The following CDC14A variants were observed in gnomAD, a reference collection of about 807,000 sequenced individuals.
CDC14A encodes the protein cell division cycle 14A.
CDC14A carries 53 observed loss-of-function variants against 74.4 expected under a neutral mutation model. That is an observed-to-expected ratio of 0.71 (90% CI 0.57 to 0.89). The LOEUF is 0.89. CDC14A is among the 40% of genes least tolerant of loss of function. The probability of loss-of-function intolerance (pLI) is 0.00; values close to 1 mark genes in which losing one functional copy is unlikely to be tolerated. For missense variants in CDC14A, 646 were observed against 713.7 expected (o/e 0.91, Z 1.08); for synonymous variants, 247 against 258.4 (o/e 0.96, Z 0.43).
chr1:100,349,652 T>C (rs1650738230), upstream of CDC14A, among the ~76,000 whole-genome samples: 1 of 152,206 alleles, frequency 6.6e-6, no homozygotes, highest in Non-Finnish European at 1.5e-5. Context: ...AATTTTGTTG[T>C]TGTTTGTTTG....
intron 15 of CDC14A, among the ~76,000 whole-genome samples, chr1:100,505,523 T>C (rs1571358431): frequency 6.6e-6 from 1 of 152,198 alleles, no homozygotes; most frequent in Admixed American, 6.5e-5. Context: ...TCTGAGTGAT[T>C]GGCAGTGCAC....
intron 1 of CDC14A, 68 bp downstream of exon 1, chr1:100,353,071 G>C (rs1570931741): frequency 1.3e-6 from 2 of 1,536,032 alleles, no homozygotes; most frequent in Non-Finnish European, 1.8e-6. Flanking sequence ...CCGCGCCACT[G>C]TCCCCACCTT....
intron 4 of CDC14A, among the ~76,000 whole-genome samples, chr1:100,399,305 T>G (rs1025762504): frequency 1.3e-5 from 2 of 152,170 alleles, no homozygotes; most frequent in Non-Finnish European, 2.9e-5. Context: ...CTTTCAAAAT[T>G]TTTTATAATG....
At chr1:100,391,891 T>G (rs1459582761) in intron 4 of CDC14A, among the ~76,000 whole-genome samples, 1 of 152,252 alleles carries the variant, frequency 6.6e-6, no homozygotes, top group African/African-American at 2.4e-5. Flanking sequence ...CTTTTGTCCC[T>G]TGATGTAGCT....
chr1:100,421,199 C>T (rs1466357895), intron 4 of CDC14A, among the ~76,000 whole-genome samples: 5 of 151,992 alleles, frequency 3.3e-5, no homozygotes, highest in East Asian at 3.9e-4. Flanking sequence ...TAATACCTAG[C>T]GAGAAAAGTA....
intron 15 of CDC14A, among the ~76,000 whole-genome samples, chr1:100,503,231 G>A (rs1450825432): frequency 2.0e-5 from 3 of 152,100 alleles, no homozygotes; most frequent in African/African-American, 7.2e-5. Context: ...GTTTATTGTC[G>A]AAATAAGATC....
intron 5 of CDC14A, among the ~76,000 whole-genome samples, chr1:100,427,018 C>T (rs1208003369): frequency 2.0e-5 from 3 of 152,134 alleles, no homozygotes; most frequent in African/African-American, 4.8e-5. Context: ...TTTTAGTCTA[C>T]AGTTCAGGCC....
Position 100,352,875 on chromosome 1 carries a change from T to C in CDC14A, c.-80T>C, listed in dbSNP as rs529944946. On this transcript the variant is annotated 5_prime_UTR_variant, in exon 1 of 16. Coordinates refer to ENST00000336454, the MANE Select transcript of CDC14A (RefSeq NM_003672.4). ...TCGGGACTGTGAGCTTCCTGGCTCC[T>C]GGGCAGTGGGGAAGCCCCCGGGGGC... 7 of 1,607,866 alleles carry C rather than the reference T, an allele frequency of 4.4e-6. No individual in the cohort carries two copies. In the East Asian group the frequency reaches 1.6e-4, roughly 36 times the overall value.
At chr1:100,468,135 T>C (rs1376251192) in intron 10 of CDC14A, 41 bp downstream of exon 10, 1 of 1,609,038 alleles carries the variant, frequency 6.2e-7, no homozygotes. Context: ...ATCCTGTTCT[T>C]GATCCTTTCT....
At chr1:100,418,571 C>T (rs974784478) in intron 4 of CDC14A, among the ~76,000 whole-genome samples, 3 of 152,012 alleles carry the variant, frequency 2.0e-5, no homozygotes, top group Admixed American at 6.6e-5. Context: ...TGAGACTTTC[C>T]GAGCCCTGCT....
intron 15 of CDC14A, among the ~76,000 whole-genome samples, chr1:100,515,262 C>G (rs1034162671): frequency 2.0e-5 from 3 of 152,162 alleles, no homozygotes; most frequent in East Asian, 1.9e-4. Context: ...TTAAATATTC[C>G]TGTCATCCAA....
chr1:100,375,700 G>A lies in CDC14A; in HGVS notation c.141-1846G>A, dbSNP rs560881095. ...TAGGAACACTTTTACACTGTTGGTAGGACTGTAAACTAGTTCAACCATTGT... is the reference window on the plus strand; with the variant it reads ...TAGGAACACTTTTACACTGTTGGTAAGACTGTAAACTAGTTCAACCATTGT... On this transcript the variant is annotated intron_variant, in intron 2 of 15. Coordinates refer to ENST00000336454, the MANE Select transcript of CDC14A (RefSeq NM_003672.4). 2.0e-5 allele frequency among the ~76,000 whole-genome samples: 3 copies of A among 152,290 alleles called. No individual in the cohort carries two copies. The South Asian group carries it at 6.2e-4, about 32-fold the overall frequency.
chr1:100,436,796 T>A (rs918582543), intron 5 of CDC14A, among the ~76,000 whole-genome samples: 10 of 152,224 alleles, frequency 6.6e-5, no homozygotes, highest in Non-Finnish European at 1.3e-4. Context: ...ACCACTCATC[T>A]AAATGATTTC....
chr1:100,468,329 C>T (rs1668050445), intron 10 of CDC14A, among the ~76,000 whole-genome samples: 1 of 152,150 alleles, frequency 6.6e-6, no homozygotes. Context: ...CCATCTCTGC[C>T]TACCCTTTTT....
chr1:100,488,528 C>T (rs7544683), intron 11 of CDC14A, among the ~76,000 whole-genome samples: 8,246 of 152,246 alleles, frequency 0.054, 750 homozygotes, highest in African/African-American at 0.19. Context: ...AAACTGTAAC[C>T]ATTCCCTACT....
At chr1:100,485,283 G>A (rs991018581) in intron 11 of CDC14A, 2 of 985,168 alleles carry the variant, frequency 2.0e-6, no homozygotes, top group East Asian at 2.3e-4. Flanking sequence ...TGACAACTGG[G>A]CATTCAATTC....
chr1:100,402,809 A>C (rs1231646615), intron 4 of CDC14A, among the ~76,000 whole-genome samples: 1 of 152,204 alleles, frequency 6.6e-6, no homozygotes, highest in Non-Finnish European at 1.5e-5. Flanking sequence ...CTACATCTAA[A>C]CCATAATAGT....
At chr1:100,379,303 G>T (rs887695668) in intron 3 of CDC14A, among the ~76,000 whole-genome samples, 2 of 152,062 alleles carry the variant, frequency 1.3e-5, no homozygotes, top group Non-Finnish European at 2.9e-5. Context: ...CATTTATAAT[G>T]CTGTGTTTCG....
At chr1:100,429,206 A>AAAATAAATAAATAAATAAATACATAAAT (rs1663322462) in intron 5 of CDC14A, among the ~76,000 whole-genome samples, 8 of 113,418 alleles carry the variant, frequency 7.1e-5, no homozygotes, top group Admixed American at 6.5e-4. Flanking sequence ...TCCATCTCAA[A>AAAATAAATAAATAAATAAATACATAAAT]AAATAAATAA....
Sources: gnomAD v4.1 joint callset for allele counts (sites outside exome capture counted in the v4.1 genomes callset) on GRCh38, gnomAD v4.1.1 for gene constraint, MANE v1.5 for transcripts, NCBI Gene and HGNC (gene_info 2026-07-23, HGNC 2026-07-21) for gene names.